PPP1R15A: variants seen among roughly 807,000 people sequenced by gnomAD.
PPP1R15A encodes the protein protein phosphatase 1 regulatory subunit 15A, also known as growth arrest and DNA damage-inducible protein GADD34.
In PPP1R15A, 43 loss-of-function variants were observed where a neutral mutation model predicts 48.5. That is an observed-to-expected ratio of 0.89 (90% CI 0.69 to 1.14). The LOEUF is 1.14. Among genes scored for constraint, PPP1R15A ranks in the 50% most tolerant of loss-of-function variants. The pLI, the probability that PPP1R15A is intolerant of heterozygous loss-of-function variation, is 0.00. For synonymous variants in PPP1R15A, 327 were observed against 327.4 expected (o/e 1.00, Z 0.01); for missense variants, 868 against 847.2 (o/e 1.02, Z -0.30).
intron 1 of PPP1R15A, 118 bp from the exon 2 acceptor site, chr19:48,873,107 C>CT: frequency 7.3e-7 from 1 of 1,369,848 alleles, no homozygotes; most frequent in Non-Finnish European, 9.4e-7. Context: ...ATTTGGGACT[C>CT]TCGCGTTGCT....
In PPP1R15A at chr19:48,874,224, T is replaced by C; in HGVS notation, c.991T>C (p.Cys331Arg). ...GGATGGAGAAGCTGAGTGTCCTCCC[T>C]GCATCCCCCCACCAAGTGCCTTCCT... ...EKDGEAECPP[C>R]IPPPSAFLKA... Residue 331 changes from cysteine (C) to arginine (R), a missense_variant, in exon 2 of 3, where the codon TGC becomes CGC. Transcript: ENST00000200453. 1 of 1,614,142 alleles carries C rather than the reference T, an allele frequency of 6.2e-7. No individual in the cohort carries two copies. The highest frequency in any genetic ancestry group is 8.5e-7 in the Non-Finnish European group (1 of 1,180,018).
At position 48,874,180 on chromosome 19, in the gene PPP1R15A, C is replaced by T; in HGVS notation, c.947C>T (p.Ala316Val). 1 of 1,614,170 alleles carries T rather than the reference C, an allele frequency of 6.2e-7. No homozygotes were observed. The highest frequency in any genetic ancestry group is 8.5e-7 in the Non-Finnish European group (1 of 1,180,026). Residue 316 changes from alanine (A) to valine (V), a missense_variant, in exon 2 of 3, where the codon GCT becomes GTT. By Grantham distance (64) the Ala-to-Val change is moderately conservative (BLOSUM62 0). Coordinates refer to ENST00000200453, the MANE Select transcript of PPP1R15A (RefSeq NM_014330.5). ...PSDEEEGEVK[A>V]LGAAEKDGEA... The stretch of plus-strand genomic sequence containing the variant: ...GATGAAGAGGAGGGTGAGGTCAAGG[C>T]TTTGGGGGCAGCTGAGAAGGATGGA...
chr19:48,875,876 C>T lies in PPP1R15A; in HGVS notation c.1928C>T (p.Pro643Leu). The change falls in exon 3 of 3, where the codon CCA becomes CTA. Residue 643 changes from proline (P) to leucine (L), a missense_variant. Pro to Leu is a moderately conservative substitution (Grantham distance 98). Transcript: ENST00000200453. ...TLPSSSVPSS[P>L]VQTTPLSQAV... Reference sequence around the variant, plus strand: ...CCTTCCTCCTCTGTCCCTTCGTCCCCAGTCCAGACCACGCCCTTGAGCCAA... The same window carrying T: ...CCTTCCTCCTCTGTCCCTTCGTCCCTAGTCCAGACCACGCCCTTGAGCCAA... 2 of 1,614,200 alleles carry T rather than the reference C, an allele frequency of 1.2e-6. No individual in the cohort carries two copies. Among genetic ancestry groups the T allele is most frequent in the South Asian group, 2.2e-5 (2 of 91,090 alleles).
At position 48,875,763 on chromosome 19, in the gene PPP1R15A, C is replaced by G; in HGVS notation, c.1815C>G (p.Pro605=). Residue 605 remains proline, a synonymous_variant, in exon 3 of 3, where the codon CCC becomes CCG. Coordinates refer to ENST00000200453, the MANE Select transcript of PPP1R15A (RefSeq NM_014330.5). ...RITQAQEELS[P]CLTPAARARA... is the part of the protein sequence containing the mutation. ...CCCAGGCCCAGGAGGAGCTGAGCCC[C>G]TGCCTCACCCCTGCTGCCCGGGCCA... 6.2e-7 allele frequency: 1 copy of G among 1,613,686 alleles called. No homozygotes were observed. Among genetic ancestry groups the G allele is most frequent in the Non-Finnish European group, 8.5e-7 (1 of 1,179,636 alleles).
In PPP1R15A at chr19:48,874,321, AC is replaced by A. The variant is rs2037051107; in HGVS notation, c.1089del (p.Ser364LeufsTer23). Reference protein sequence around the residue: ...EEDEEEDEDSDSGSDEEEGEA... With the variant: ...EEDEEEDEDSXSGSDEEEGEA... ...GATGAGGAAGAAGATGAGGACAGTG[AC>A]TCTGGATCAGATGAGGAAGAGGGAG... On this transcript the variant is annotated frameshift_variant, in exon 2 of 3. Coordinates refer to ENST00000200453, the MANE Select transcript of PPP1R15A (RefSeq NM_014330.5). LOFTEE classifies it high-confidence loss of function. 1.2e-6 allele frequency: 2 copies of A among 1,612,982 alleles called. No individual in the cohort carries two copies. Among genetic ancestry groups the A allele is most frequent in the Admixed American group, 3.3e-5 (2 of 59,896 alleles).
chr19:48,872,449 G>A lies in PPP1R15A; in HGVS notation c.-212G>A, dbSNP rs1304560693. On this transcript the variant is annotated 5_prime_UTR_variant, in exon 1 of 3. Transcript: ENST00000200453. ...CTTATCGGTTCCCATCCCAGTTGTT[G>A]ATCTTATGCAAGACGCTGCACGACC... 6.6e-6 allele frequency: 3 copies of A among 456,508 alleles called. No homozygotes were observed. The highest frequency in any genetic ancestry group is 4.4e-6 in the Non-Finnish European group (1 of 226,796). The allele number at this position is 456,508 out of a possible 1,614,324, so 28.3% of individuals were successfully genotyped here. A position where few individuals can be genotyped will look rare whatever the true frequency, so the allele number is the denominator to read the frequency against.
In PPP1R15A at chr19:48,872,463, C is replaced by T. The variant is rs912862517; in HGVS notation, c.-198C>T. ...TCCCAGTTGTTGATCTTATGCAAGA[C>T]GCTGCACGACCCCGCGCCCGCTTGT... is the stretch of plus-strand genomic sequence containing the variant. On this transcript the variant is annotated 5_prime_UTR_variant, in exon 1 of 3. In the 5' UTR this introduces an upstream ATG that the reference lacks. Coordinates refer to ENST00000200453, the MANE Select transcript of PPP1R15A (RefSeq NM_014330.5). The T allele has an allele frequency of 8.8e-6, 4 of 456,508 alleles. No individual in the cohort carries two copies. Among genetic ancestry groups the T allele is most frequent in the Admixed American group, 4.7e-5 (2 of 42,578 alleles). 28.3% of individuals were successfully genotyped at this position (456,508 alleles called of 1,614,324 possible). A position where few individuals can be genotyped will look rare whatever the true frequency, so the allele number is the denominator to read the frequency against.
In PPP1R15A at chr19:48,873,406, C is replaced by T; in HGVS notation, c.173C>T (p.Ala58Val). The T allele has an allele frequency of 6.2e-7, 1 of 1,613,470 alleles. No homozygotes were observed. Among genetic ancestry groups the T allele is most frequent in the Non-Finnish European group, 8.5e-7 (1 of 1,179,738 alleles). Reference protein sequence around the residue: ...EAVKGAALVEAGLEGEARTPL... With the variant: ...EAVKGAALVEVGLEGEARTPL... ...GTAAAAGGAGCAGCTCTGGTAGAAG[C>T]TGGCCTGGAGGGAGAAGCTAGGACT... The change falls in exon 2 of 3, where the codon GCT becomes GTT. Residue 58 changes from alanine to valine, a missense_variant. Coordinates refer to ENST00000200453, the MANE Select transcript of PPP1R15A (RefSeq NM_014330.5).
rs748032005 is a variant in PPP1R15A at position 48,874,137 on chromosome 19, TG to T, written c.906del (p.Trp302CysfsTer38). ...AGCCCAGAGGCCCCAGCTCAAGTCC[TG>T]GTGGTGCCAACCCAGTGATGAAGAG... is the stretch of plus-strand genomic sequence containing the variant. ...APAQRPQLKS[W>X]WCQPSDEEEG... On this transcript the variant is annotated frameshift_variant, in exon 2 of 3. Transcript: ENST00000200453. LOFTEE classifies it high-confidence loss of function. 69 of 1,613,976 alleles carry T rather than the reference TG, an allele frequency of 4.3e-5. No homozygotes were observed. Among genetic ancestry groups the T allele is most frequent in the Non-Finnish European group, 5.8e-5 (69 of 1,180,020 alleles).
In PPP1R15A at chr19:48,874,231, C is replaced by G. The variant is rs1320786973; in HGVS notation, c.998C>G (p.Pro333Arg). 2 of 1,614,046 alleles carry G rather than the reference C, an allele frequency of 1.2e-6. No individual in the cohort carries two copies. The highest frequency in any genetic ancestry group is 2.7e-5 in the African/African-American group (2 of 74,918). ...DGEAECPPCIPPPSAFLKAWV... is the reference protein window; with the variant it reads ...DGEAECPPCIRPPSAFLKAWV... The stretch of plus-strand genomic sequence containing the variant: ...GAAGCTGAGTGTCCTCCCTGCATCC[C>G]CCCACCAAGTGCCTTCCTGAAGGCC... The change falls in exon 2 of 3, where the codon CCC (proline) becomes CGC (arginine). Residue 333 changes from proline to arginine, a missense_variant. Physicochemically the swap from Pro to Arg is moderately radical, Grantham distance 103. Transcript: ENST00000200453.
Position 48,874,568 on chromosome 19 carries a change from T to G in PPP1R15A, c.1335T>G (p.Asp445Glu). Residue 445 changes from aspartate (D) to glutamate (E), a missense_variant, in exon 2 of 3, where the codon GAT becomes GAG. Asp to Glu is a conservative substitution (Grantham distance 45). Coordinates refer to ENST00000200453, the MANE Select transcript of PPP1R15A (RefSeq NM_014330.5). Reference sequence around the variant, plus strand: ...GAGAGGACACGGAGGAGGAGGAAGATGAGGATGTGGATAGTGAGGATAAGG... The same window carrying G: ...GAGAGGACACGGAGGAGGAGGAAGAGGAGGATGTGGATAGTGAGGATAAGG... ...RPGEDTEEEEDEDVDSEDKED... is the reference protein window; with the variant it reads ...RPGEDTEEEEEEDVDSEDKED... The G allele has an allele frequency of 1.2e-6, 2 of 1,613,942 alleles. No individual in the cohort carries two copies. Among genetic ancestry groups the G allele is most frequent in the Non-Finnish European group, 8.5e-7 (1 of 1,179,980 alleles).
chr19:48,875,759 G>C lies in PPP1R15A; in HGVS notation c.1811G>C (p.Ser604Thr), dbSNP rs1351187372. The C allele has an allele frequency of 5.6e-6, 9 of 1,613,558 alleles. No homozygotes were observed. The highest frequency in any genetic ancestry group is 7.6e-6 in the Non-Finnish European group (9 of 1,179,800). The change falls in exon 3 of 3, where the codon AGC becomes ACC. Residue 604 changes from serine to threonine, a missense_variant. By Grantham distance (58) the Ser-to-Thr change is moderately conservative. Coordinates refer to ENST00000200453, the MANE Select transcript of PPP1R15A (RefSeq NM_014330.5). Reference protein sequence around the residue: ...RRITQAQEELSPCLTPAARAR... With the variant: ...RRITQAQEELTPCLTPAARAR... ...ATCACCCAGGCCCAGGAGGAGCTGAGCCCCTGCCTCACCCCTGCTGCCCGG... is the reference window on the plus strand; with the variant it reads ...ATCACCCAGGCCCAGGAGGAGCTGACCCCCTGCCTCACCCCTGCTGCCCGG...
chr19:48,875,725 GCACGCCGCATCACCC>G lies in PPP1R15A; in HGVS notation c.1778_1792del (p.Ala593_Gln598delinsGlu), dbSNP rs755244404. Reference sequence around the variant, plus strand: ...GCTTGCTCGGGATCGCAGCCGCTTCGCACGCCGCATCACCCAGGCCCAGGAGGAGCTGAGCCCCTG... The same window carrying G: ...GCTTGCTCGGGATCGCAGCCGCTTCGAGGCCCAGGAGGAGCTGAGCCCCTG... On this transcript the variant is annotated inframe_deletion, in exon 3 of 3. Transcript: ENST00000200453. 1 of 1,612,940 alleles carries G rather than the reference GCACGCCGCATCACCC, an allele frequency of 6.2e-7. No homozygotes were observed. The highest frequency in any genetic ancestry group is 1.1e-5 in the South Asian group (1 of 91,036).
At chr19:48,875,134 TTGGCCAGGC>T (rs1356919168) in intron 2 of PPP1R15A, 1 of 443,802 alleles carries the variant, frequency 2.3e-6, no homozygotes, top group East Asian at 3.7e-5. Flanking sequence ...TTTTGCCATG[TTGGCCAGGC>T]TGGTCTCAAA....
intron 2 of PPP1R15A, chr19:48,875,377 TG>T (rs2037069146): frequency 3.4e-6 from 2 of 596,006 alleles, no homozygotes; most frequent in East Asian, 5.8e-5. Context: ...GCCAGGCCCC[TG>T]GGGGAGGAGG....
Position 48,873,536 on chromosome 19 carries a change from CAGTT to C in PPP1R15A, c.304_307del (p.Ser102ProfsTer45), listed in dbSNP as rs1568562806. 2 of 1,614,196 alleles carry C rather than the reference CAGTT, an allele frequency of 1.2e-6. No homozygotes were observed. On this transcript the variant is annotated frameshift_variant, in exon 2 of 3. Transcript: ENST00000200453. LOFTEE classifies it high-confidence loss of function. ...GAGAAACACTGGGGCTGAAAACCAG[CAGTT>C]CCCTTCCTGAAGCCTGGGGACTTTT...
intron 2 of PPP1R15A, chr19:48,875,309 T>C (rs536484878): frequency 2.3e-6 from 1 of 434,714 alleles, no homozygotes; most frequent in South Asian, 3.6e-5. Context: ...TTGCAGAGGG[T>C]TGCATGTCAT....
At position 48,875,616 on chromosome 19, in the gene PPP1R15A, G is replaced by A. The variant is rs569259259; in HGVS notation, c.1668G>A (p.Val556=). The change falls in exon 3 of 3, where the codon GTG becomes GTA. Residue 556 remains valine, a splice_region_variant and synonymous_variant. Coordinates refer to ENST00000200453, the MANE Select transcript of PPP1R15A (RefSeq NM_014330.5). ...DPETPLKARK[V]RFSEKVTVHF... ...TGTGTCCCCATGTCTGCCCGCAGGT[G>A]CGCTTCTCCGAGAAGGTCACTGTCC... 3.1e-6 allele frequency: 5 copies of A among 1,588,508 alleles called. No individual in the cohort carries two copies. The highest frequency in any genetic ancestry group is 3.4e-5 in the Admixed American group (2 of 58,164).
At position 48,873,780 on chromosome 19, in the gene PPP1R15A, C is replaced by T; in HGVS notation, c.547C>T (p.His183Tyr). ...TAACAAGTTCTCTTATCCACCATCA[C>T]ACCGGGAGTGTTGTCCAGCCGTGGA... ...GVNKFSYPPSHRECCPAVEEE... is the reference protein window; with the variant it reads ...GVNKFSYPPSYRECCPAVEEE... Residue 183 changes from histidine (H) to tyrosine (Y), a missense_variant, in exon 2 of 3, where the codon CAC becomes TAC. Physicochemically the swap from His to Tyr is moderately conservative, Grantham distance 83 (BLOSUM62 2). Coordinates refer to ENST00000200453, the MANE Select transcript of PPP1R15A (RefSeq NM_014330.5). 6.2e-7 allele frequency: 1 copy of T among 1,614,086 alleles called. No individual in the cohort carries two copies. The highest frequency in any genetic ancestry group is 8.5e-7 in the Non-Finnish European group (1 of 1,180,004).
Sources: allele counts gnomAD v4.1 joint callset, GRCh38; gene constraint gnomAD v4.1.1; transcripts MANE v1.5; gene names NCBI Gene and HGNC (gene_info 2026-07-23, HGNC 2026-07-21).